Variants in PIP5K1C observed in about 807,000 individuals in gnomAD.
PIP5K1C encodes the protein phosphatidylinositol-4-phosphate 5-kinase type 1 gamma.
Under a neutral mutation model 80.1 loss-of-function variants are expected in PIP5K1C, and 45 were observed. The observed-to-expected ratio is 0.56, with a 90% CI of 0.44 to 0.72. PIP5K1C has a LOEUF of 0.72. Ranked by LOEUF, PIP5K1C falls within the 30% of genes least tolerant of loss-of-function variation. The pLI, the probability that PIP5K1C is intolerant of heterozygous loss-of-function variation, is 0.00. For missense variants in PIP5K1C, 753 were observed against 954.6 expected (o/e 0.79, Z 2.78); for synonymous variants, 498 against 420.1 (o/e 1.19, Z -2.27).
chr19:3,633,902 T>C (rs2033563651), intron 16 of PIP5K1C, among the ~76,000 whole-genome samples: 1 of 152,076 alleles, frequency 6.6e-6, no homozygotes, highest in Non-Finnish European at 1.5e-5. Context: ...ATCCTGCCTG[T>C]GCCACGGGCA....
intron 12 of PIP5K1C, among the ~76,000 whole-genome samples, chr19:3,643,715 G>A (rs567140417): frequency 2.3e-4 from 26 of 113,718 alleles, no homozygotes; most frequent in Non-Finnish European, 3.6e-4. Context: ...TTGGCCACAC[G>A]GGCTCCTTGC....
At chr19:3,647,508 T>C in intron 9 of PIP5K1C, 122 bp from the exon 10 acceptor site, 1 of 855,408 alleles carries the variant, frequency 1.2e-6, no homozygotes, top group Non-Finnish European at 1.9e-6. Context: ...GTCGTGGCTG[T>C]CAAAACTCAG....
chr19:3,656,636 G>GC, intron 5 of PIP5K1C, 79 bp from the exon 6 acceptor site: 2 of 1,526,458 alleles, frequency 1.3e-6, no homozygotes, highest in Non-Finnish European at 1.8e-6. Flanking sequence ...CTGCCCAACA[G>GC]CCCCAGGAAC....
intron 1 of PIP5K1C, among the ~76,000 whole-genome samples, chr19:3,679,150 T>G (rs969484381): frequency 6.6e-6 from 1 of 151,748 alleles, no homozygotes; most frequent in African/African-American, 2.4e-5. Context: ...GAAAGGTGAG[T>G]CTTTACCTTG....
At chr19:3,670,124 G>A (rs1171308793) in intron 1 of PIP5K1C, among the ~76,000 whole-genome samples, 1 of 150,140 alleles carries the variant, frequency 6.7e-6, no homozygotes, top group African/African-American at 2.5e-5. Flanking sequence ...CTGGGGTCAG[G>A]AGCCTCTGCA....
intron 15 of PIP5K1C, 95 bp from the exon 16 acceptor site, chr19:3,639,111 G>T: frequency 7.0e-7 from 1 of 1,425,372 alleles, no homozygotes; most frequent in Non-Finnish European, 9.7e-7. Flanking sequence ...GCTTCATACG[G>T]TCATCACGGA....
intron 1 of PIP5K1C, among the ~76,000 whole-genome samples, chr19:3,686,916 G>C (rs535320209): frequency 6.6e-6 from 1 of 152,146 alleles, no homozygotes; most frequent in South Asian, 2.1e-4. Flanking sequence ...ATCAAGGCCA[G>C]GTGCAGTGGC....
chr19:3,662,014 C>G lies in PIP5K1C; in HGVS notation c.220-13G>C, dbSNP rs775184153. 1.0e-5 allele frequency: 16 copies of G among 1,579,494 alleles called. No homozygotes were observed. The South Asian group carries it at 1.8e-4, about 18-fold the overall frequency. On this transcript the variant is annotated splice_polypyrimidine_tract_variant and intron_variant, in intron 3 of 17. Transcript: ENST00000335312. The stretch of plus-strand genomic sequence containing the variant: ...TGGAGGAGGTGGTCTGCAGGGAGAC[C>G]AGAGTGTCAGGGCCCCCGGCTGCTC...
At chr19:3,662,649 TC>T (rs1444102189) in intron 3 of PIP5K1C, among the ~76,000 whole-genome samples, 1 of 152,080 alleles carries the variant, frequency 6.6e-6, no homozygotes, top group Admixed American at 6.5e-5. Context: ...CACTGCAACC[TC>T]CACCTCCCAG....
intron 1 of PIP5K1C, among the ~76,000 whole-genome samples, chr19:3,687,566 C>T (rs1383011099): frequency 2.6e-5 from 4 of 151,352 alleles, no homozygotes; most frequent in Non-Finnish European, 5.9e-5. Context: ...CACGCACACA[C>T]ATGCACACGC....
In PIP5K1C at chr19:3,640,268, C is replaced by T. The variant is rs543855097; in HGVS notation, c.1788-1252G>A. The stretch of plus-strand genomic sequence containing the variant: ...GGGGCTCACGCCTGTCATCCTAGCA[C>T]TGTGGGAGGCCGAGGCGGGAGGATC... On this transcript the variant is annotated intron_variant, in intron 15 of 17. Coordinates refer to ENST00000335312, the MANE Select transcript of PIP5K1C (RefSeq NM_012398.3). 3.3e-4 allele frequency among the ~76,000 whole-genome samples: 51 copies of T among 152,360 alleles called. No homozygotes were observed. In the South Asian group the frequency reaches 0.01, roughly 30 times the overall value.
intron 1 of PIP5K1C, among the ~76,000 whole-genome samples, chr19:3,687,711 G>C (rs557087835): frequency 6.6e-6 from 1 of 152,300 alleles, no homozygotes; most frequent in Admixed American, 6.5e-5. Context: ...GGGGACCCCA[G>C]CACGGTGGAG....
At chr19:3,673,546 C>T (rs142161854) in intron 1 of PIP5K1C, among the ~76,000 whole-genome samples, 6 of 152,300 alleles carry the variant, frequency 3.9e-5, no homozygotes, top group South Asian at 2.1e-4. Flanking sequence ...TGGGTGGGGC[C>T]GCTGCCCAGA....
chr19:3,680,429 C>A (rs1317470704), intron 1 of PIP5K1C, among the ~76,000 whole-genome samples: 1 of 152,136 alleles, frequency 6.6e-6, no homozygotes, highest in Non-Finnish European at 1.5e-5. Context: ...CTCAGCCTCC[C>A]GAGTAGCTGG....
At chr19:3,683,947 C>A in intron 1 of PIP5K1C, among the ~76,000 whole-genome samples, 1 of 148,892 alleles carries the variant, frequency 6.7e-6, no homozygotes, top group Non-Finnish European at 1.5e-5. Context: ...CGCTGGAGCC[C>A]CCGCTTCCTC....
chr19:3,685,969 G>A lies in PIP5K1C; in HGVS notation c.94+14328C>T, dbSNP rs376226720. Among the ~76,000 whole-genome samples, 310 of 151,622 alleles carry A rather than the reference G, an allele frequency of 2.0e-3. 2 individuals are homozygous for A. Among genetic ancestry groups the A allele is most frequent in the African/African-American group, 6.7e-3 (278 of 41,390 alleles). On this transcript the variant is annotated intron_variant, in intron 1 of 17. Transcript: ENST00000335312. ...CTCCAACTCCTGGGCTCAAGCGACCGTCCTGCCTCAGCCTCCTGAGTAGCT... is the reference window on the plus strand; with the variant it reads ...CTCCAACTCCTGGGCTCAAGCGACCATCCTGCCTCAGCCTCCTGAGTAGCT...
chr19:3,688,862 C>A lies in PIP5K1C; in HGVS notation c.94+11435G>T, dbSNP rs1017356526. On this transcript the variant is annotated intron_variant, in intron 1 of 17. Coordinates refer to ENST00000335312, the MANE Select transcript of PIP5K1C (RefSeq NM_012398.3). This position sits in a 1 kb window ranked among gnomAD's most constrained non-coding sequence, Gnocchi z 5.3. ...CCCCGTTTTTGAGCCCCCACACAGC[C>A]GAATACATGCCCCCGGTCCCCCTTC... is the stretch of plus-strand genomic sequence containing the variant. Among the ~76,000 whole-genome samples, 1 of 152,038 alleles carries A rather than the reference C, an allele frequency of 6.6e-6. No individual in the cohort carries two copies. The highest frequency in any genetic ancestry group is 1.5e-5 in the Non-Finnish European group (1 of 67,990).
intron 15 of PIP5K1C, among the ~76,000 whole-genome samples, chr19:3,639,256 C>T (rs1198824336): frequency 1.3e-5 from 2 of 152,214 alleles, no homozygotes; most frequent in East Asian, 3.8e-4. Flanking sequence ...AGCCCGCTGA[C>T]AGCTCGGCCC....
chr19:3,638,723 G>A (rs1409845886), intron 16 of PIP5K1C, among the ~76,000 whole-genome samples, 161 bp downstream of exon 16: 1 of 151,822 alleles, frequency 6.6e-6, no homozygotes, highest in African/African-American at 2.4e-5. Flanking sequence ...GTGTGGGCGT[G>A]TCGTGAGAGT....
Sources: allele counts gnomAD v4.1 joint callset (sites outside exome capture counted in the v4.1 genomes callset), GRCh38; gene constraint gnomAD v4.1.1; non-coding constraint Gnocchi (gnomAD v3.1); transcripts MANE v1.5; gene names NCBI Gene and HGNC (gene_info 2026-07-23, HGNC 2026-07-21).